CDH18: variants seen among roughly 807,000 people sequenced by gnomAD.
The protein encoded by CDH18 is cadherin 18.
In CDH18, 31 loss-of-function variants were observed where a neutral mutation model predicts 67.9. That is an observed-to-expected ratio of 0.46 (90% CI 0.34 to 0.62). The LOEUF (loss-of-function observed/expected upper bound fraction) is 0.62, where lower values mean the gene tolerates loss of function less well. CDH18 is among the 20% of genes least tolerant of loss of function. The pLI is 0.01. For missense variants in CDH18, 890 were observed against 975.5 expected, an observed-to-expected ratio of 0.91 and a Z score of 1.17; for synonymous variants, 362 against 347.2, an observed-to-expected ratio of 1.04 and a Z score of -0.48.
intron 5 of CDH18, among the ~76,000 whole-genome samples, chr5:19,701,082 G>T (rs1028828947): frequency 2.0e-5 from 3 of 152,012 alleles, no homozygotes; most frequent in Non-Finnish European, 4.4e-5. Flanking sequence ...TAAGGATACA[G>T]ATACAGAAAA....
At chr5:19,696,585 G>A (rs1305533802) in intron 5 of CDH18, among the ~76,000 whole-genome samples, 1 of 151,370 alleles carries the variant, frequency 6.6e-6, no homozygotes, top group African/African-American at 2.4e-5. Context: ...TAGTAGAGAC[G>A]AGGTTTCACC....
intron 5 of CDH18, among the ~76,000 whole-genome samples, chr5:19,649,062 C>T (rs76688856): frequency 2.6e-5 from 4 of 152,072 alleles, no homozygotes; most frequent in South Asian, 4.2e-4. Flanking sequence ...GGAAAGAAAT[C>T]GACATGGTAG....
intron 3 of CDH18, among the ~76,000 whole-genome samples, chr5:19,793,348 T>C (rs1314873748): frequency 6.6e-6 from 1 of 152,134 alleles, no homozygotes; most frequent in Non-Finnish European, 1.5e-5. Flanking sequence ...ATTAAAGCAG[T>C]TGTATGGAAC....
chr5:19,505,754 A>T (rs1249885452), intron 10 of CDH18, among the ~76,000 whole-genome samples: 1 of 152,084 alleles, frequency 6.6e-6, no homozygotes, highest in South Asian at 2.1e-4. Flanking sequence ...ATCGATGTTC[A>T]TCAGGGATAT....
chr5:19,583,534 A>G (rs1043487747), intron 7 of CDH18, among the ~76,000 whole-genome samples: 7 of 152,184 alleles, frequency 4.6e-5, no homozygotes, highest in African/African-American at 9.6e-5. Flanking sequence ...GTTAAATCAA[A>G]TAACGTGAAA....
intron 1 of CDH18, among the ~76,000 whole-genome samples, chr5:20,308,653 CTAAGTTAT>C (rs1389404989): frequency 6.6e-6 from 1 of 151,920 alleles, no homozygotes; most frequent in Admixed American, 6.6e-5. Flanking sequence ...AAAGAACCTA[CTAAGTTAT>C]TAAGGTAAAC....
At position 20,572,224 on chromosome 5, in the gene CDH18, GA is replaced by G. The variant is rs111914947; in HGVS notation, c.-580+3237del. Among the ~76,000 whole-genome samples the G allele has an allele frequency of 2.0e-3, 299 of 148,964 alleles. 2 individuals carry two copies. The highest frequency in any genetic ancestry group is 6.9e-3 in the Middle Eastern group (2 of 290). ...TTCTTCCATGTCTATTTTTGTAAAA[GA>G]AAAAAAAAAGGTAATATTCTCTTTT... is the stretch of plus-strand genomic sequence containing the variant. On this transcript the variant is annotated intron_variant, in intron 1 of 14. Coordinates refer to the CDH18 transcript ENST00000507958.
chr5:20,344,525 C>A (rs1332180732), intron 1 of CDH18, among the ~76,000 whole-genome samples: 6 of 151,538 alleles, frequency 4.0e-5, no homozygotes, highest in Admixed American at 3.9e-4. Flanking sequence ...CATAAGTACT[C>A]CCAGAGCAAT....
At chr5:20,184,253 AT>A (rs1331843383) in intron 2 of CDH18, among the ~76,000 whole-genome samples, 6 of 152,080 alleles carry the variant, frequency 3.9e-5, no homozygotes, top group South Asian at 2.1e-4. Context: ...AAACAAAAAA[AT>A]AATTTGTTAC....
At chr5:19,629,370 ACT>A (rs1369959864) in intron 5 of CDH18, among the ~76,000 whole-genome samples, 1 of 152,114 alleles carries the variant, frequency 6.6e-6, no homozygotes, top group Non-Finnish European at 1.5e-5. Context: ...AACACCTGAC[ACT>A]CTACAGAAAG....
At chr5:20,385,071 A>T (rs1744207590) in intron 1 of CDH18, among the ~76,000 whole-genome samples, 1 of 152,114 alleles carries the variant, frequency 6.6e-6, no homozygotes, top group Non-Finnish European at 1.5e-5. Flanking sequence ...TCCTGACCTC[A>T]AGTAATCTGC....
At chr5:19,519,100 G>T (rs958632681) in intron 10 of CDH18, among the ~76,000 whole-genome samples, 2 of 152,096 alleles carry the variant, frequency 1.3e-5, no homozygotes, top group African/African-American at 4.8e-5. Flanking sequence ...CACACTGCTG[G>T]ATGGAGCTCT....
Position 19,640,838 on chromosome 5 carries a change from T to C in CDH18, c.644-28237A>G, listed in dbSNP as rs528807735. 3.3e-5 allele frequency among the ~76,000 whole-genome samples: 5 copies of C among 151,300 alleles called. No individual in the cohort carries two copies. The East Asian group carries it at 9.7e-4, about 29-fold the overall frequency. On this transcript the variant is annotated intron_variant, in intron 5 of 12. Coordinates refer to ENST00000382275, the MANE Select transcript of CDH18 (RefSeq NM_004934.5). ...CCTAAAGTTGGCAGAATAAAAAAAA[T>C]ATAAGGATTATAACTAAATCAGCTG...
intron 3 of CDH18, among the ~76,000 whole-genome samples, chr5:19,757,590 A>T (rs1420661500): frequency 6.6e-6 from 1 of 152,184 alleles, no homozygotes; most frequent in South Asian, 2.1e-4. Flanking sequence ...TATCCACTTG[A>T]TTATTAAAAT....
intron 5 of CDH18, among the ~76,000 whole-genome samples, chr5:19,657,971 C>T (rs540433772): frequency 8.2e-4 from 125 of 152,184 alleles, no homozygotes; most frequent in Non-Finnish European, 1.6e-3. Flanking sequence ...AGGGCCACCC[C>T]AGGATAAATT....
intron 2 of CDH18, among the ~76,000 whole-genome samples, chr5:19,857,462 A>T (rs554536836): frequency 6.6e-6 from 1 of 152,288 alleles, no homozygotes; most frequent in African/African-American, 2.4e-5. Context: ...ATAATCATTT[A>T]AAAAATAATG....
At chr5:20,440,849 G>A (rs1320014289) in intron 1 of CDH18, among the ~76,000 whole-genome samples, 1 of 152,010 alleles carries the variant, frequency 6.6e-6, no homozygotes, top group Non-Finnish European at 1.5e-5. Flanking sequence ...CAGGGTCACT[G>A]AGTTTTGGGA....
At position 20,137,534 on chromosome 5, in the gene CDH18, C is replaced by G. The variant is rs58802516; in HGVS notation, c.-518+117910G>C. Among the ~76,000 whole-genome samples the G allele has an allele frequency of 2.8e-4, 43 of 152,130 alleles. 1 individual carries two copies. In the East Asian group the frequency reaches 8.2e-3, roughly 29 times the overall value. ...GCTTTGTAATGGGTTCGAAAATCCT[C>G]CTTTAGCTCAGAGGAGTTTGTTATT... On this transcript the variant is annotated intron_variant, in intron 2 of 14. Transcript: ENST00000507958.
At chr5:20,118,618 A>G (rs536028776) in intron 2 of CDH18, among the ~76,000 whole-genome samples, 21 of 152,282 alleles carry the variant, frequency 1.4e-4, no homozygotes, top group African/African-American at 2.2e-4. Flanking sequence ...TAGTACAGTC[A>G]TATTAATTAA....
Sources: gnomAD v4.1 joint callset for allele counts (sites outside exome capture counted in the v4.1 genomes callset) on GRCh38, gnomAD v4.1.1 for gene constraint, MANE v1.5 for transcripts, NCBI Gene and HGNC (gene_info 2026-07-23, HGNC 2026-07-21) for gene names.